The following LIFR variants were observed in gnomAD, a reference collection of about 807,000 sequenced individuals.
LIFR encodes LIF receptor subunit alpha.
LIFR carries 84 observed loss-of-function variants against 122.2 expected under a neutral mutation model. The observed-to-expected ratio is 0.69, with a 90% confidence interval of 0.58 to 0.82. LIFR has a LOEUF of 0.82. Ranked by LOEUF, LIFR falls within the 40% of genes least tolerant of loss-of-function variation. LIFR has a pLI of 0.00. For missense variants in LIFR, 1,294 were observed against 1,311.6 expected, an observed-to-expected ratio of 0.99 and a Z score of 0.21; for synonymous variants, 422 against 434.7, an observed-to-expected ratio of 0.97 and a Z score of 0.36.
intron 1 of LIFR, among the ~76,000 whole-genome samples, chr5:38,586,743 A>AGTATAATTGTATATAGTATATAGT (rs1374529069): frequency 6.6e-6 from 1 of 152,082 alleles, no homozygotes. Flanking sequence ...ACACAATTAT[A>AGTATAATTGTATATAGTATATAGT]CTAGATCCAT....
chr5:38,500,774 A>T (rs572988698), intron 11 of LIFR, among the ~76,000 whole-genome samples: 2 of 152,322 alleles, frequency 1.3e-5, no homozygotes, highest in Non-Finnish European at 2.9e-5. Flanking sequence ...CTCCAAAATG[A>T]CCAATAATCC....
intron 1 of LIFR, among the ~76,000 whole-genome samples, chr5:38,551,754 G>GA (rs1748215466): frequency 1.3e-5 from 2 of 152,148 alleles, no homozygotes. Context: ...CAAAAGTATA[G>GA]AAAAAATCCA....
At chr5:38,516,431 A>G (rs1746086102) in intron 5 of LIFR, among the ~76,000 whole-genome samples, 1 of 152,242 alleles carries the variant, frequency 6.6e-6, no homozygotes, top group Non-Finnish European at 1.5e-5. Context: ...TCTCAAAAGA[A>G]GACATTTATG....
At chr5:38,491,466 C>T (rs1233492682) in intron 14 of LIFR, among the ~76,000 whole-genome samples, 1 of 152,178 alleles carries the variant, frequency 6.6e-6, no homozygotes, top group Non-Finnish European at 1.5e-5. Flanking sequence ...TAAGGGCCAT[C>T]TGAATAAGGC....
At chr5:38,504,985 G>C (rs967844695) in intron 9 of LIFR, among the ~76,000 whole-genome samples, 1 of 152,140 alleles carries the variant, frequency 6.6e-6, no homozygotes, top group Non-Finnish European at 1.5e-5. Context: ...TGCTCAGTGT[G>C]CTGTGAGCCT....
Position 38,481,098 on chromosome 5 carries a change from TAATCTTAG to T in LIFR, c.*489_*496del. The T allele has an allele frequency of 4.1e-6, 1 of 245,708 alleles. No individual in the cohort carries two copies. The highest frequency in any genetic ancestry group is 8.0e-6 in the Non-Finnish European group (1 of 125,142). 15.2% of individuals were successfully genotyped at this position (245,708 alleles called of 1,614,324 possible). On this transcript the variant is annotated 3_prime_UTR_variant, in exon 20 of 20. Coordinates refer to ENST00000453190, the MANE Select transcript of LIFR (RefSeq NM_001127671.2). ...TGTGAATGCTGTGGATAGAGGAGAATAATCTTAGAAGTTTTAAAATCTGTGCTTGGTTT... is the reference window on the plus strand; with the variant it reads ...TGTGAATGCTGTGGATAGAGGAGAATAAGTTTTAAAATCTGTGCTTGGTTT...
chr5:38,534,278 T>C (rs1747174217), intron 1 of LIFR, among the ~76,000 whole-genome samples: 1 of 152,218 alleles, frequency 6.6e-6, no homozygotes, highest in South Asian at 2.1e-4. Context: ...CTTTTCAGGA[T>C]CATAAACTCT....
chr5:38,539,544 T>C lies in LIFR; in HGVS notation c.-19-8878A>G, dbSNP rs137884971. Among the ~76,000 whole-genome samples the C allele has an allele frequency of 8.7e-4, 132 of 152,326 alleles. 2 individuals carry two copies. The East Asian group carries it at 0.019, about 22-fold the overall frequency. Reference sequence around the variant, plus strand: ...TCGGTGAGGACTTAAAATATTTTCATACCATTCAGTTATTTGTCTACATTC... The same window carrying C: ...TCGGTGAGGACTTAAAATATTTTCACACCATTCAGTTATTTGTCTACATTC... On this transcript the variant is annotated intron_variant, in intron 1 of 19. Coordinates refer to ENST00000453190, the MANE Select transcript of LIFR (RefSeq NM_001127671.2).
At chr5:38,488,977 A>G in intron 16 of LIFR, 101 bp downstream of exon 16, 2 of 904,430 alleles carry the variant, frequency 2.2e-6, no homozygotes, top group Non-Finnish European at 3.5e-6. Context: ...ATAGTTTTGA[A>G]AACCAGTACT....
At chr5:38,589,914 A>G (rs6451392) in intron 1 of LIFR, among the ~76,000 whole-genome samples, 18,176 of 152,116 alleles carry the variant, frequency 0.12, 3,038 homozygotes, top group African/African-American at 0.37. Flanking sequence ...TTCACTGTTT[A>G]GAAACTCTCT....
At chr5:38,543,925 A>G (rs536382894) in intron 1 of LIFR, among the ~76,000 whole-genome samples, 16 of 152,044 alleles carry the variant, frequency 1.1e-4, no homozygotes, top group Non-Finnish European at 1.8e-4. Flanking sequence ...AAACTGATTG[A>G]TTCATAACCC....
At chr5:38,589,155 G>A (rs548077841) in intron 1 of LIFR, among the ~76,000 whole-genome samples, 3 of 151,596 alleles carry the variant, frequency 2.0e-5, no homozygotes, top group Non-Finnish European at 2.9e-5. Flanking sequence ...CTGCCACCAC[G>A]CCCAGCTAAT....
intron 1 of LIFR, among the ~76,000 whole-genome samples, chr5:38,582,995 A>G (rs530966147): frequency 3.9e-5 from 6 of 152,158 alleles, no homozygotes; most frequent in Non-Finnish European, 8.8e-5. Context: ...ATCGCATTGC[A>G]TTGTAATTAT....
At chr5:38,545,871 GAAAAAA>G (rs371497950) in intron 1 of LIFR, among the ~76,000 whole-genome samples, 1 of 87,728 alleles carries the variant, frequency 1.1e-5, no homozygotes. Context: ...CAAAAAAAAA[GAAAAAA>G]AAAAAAAAAA....
intron 4 of LIFR, 93 bp from the exon 5 acceptor site, chr5:38,523,675 T>C: frequency 9.9e-7 from 1 of 1,006,506 alleles, no homozygotes; most frequent in Non-Finnish European, 1.5e-6. Context: ...ATAAACTCTA[T>C]TCCTTCTTGA....
upstream of LIFR, among the ~76,000 whole-genome samples, chr5:38,560,830 T>A (rs1748810095): frequency 6.6e-6 from 1 of 152,066 alleles, no homozygotes; most frequent in African/African-American, 2.4e-5. Flanking sequence ...ACTCCTGACC[T>A]CATAATCCAC....
chr5:38,478,894 C>G lies in LIFR; in HGVS notation c.*2701G>C, dbSNP rs1359731369. 3 of 228,126 alleles carry G rather than the reference C, an allele frequency of 1.3e-5. No individual in the cohort carries two copies. The highest frequency in any genetic ancestry group is 2.6e-5 in the Non-Finnish European group (3 of 114,830). The allele number at this position is 228,126 out of a possible 1,614,324, so 14.1% of individuals were successfully genotyped here. The stretch of plus-strand genomic sequence containing the variant: ...CCCAGTTAGTAAGGGCTGGAGAGAA[C>G]ACATCTAGCCTCTGCTTCTAACTAG... On this transcript the variant is annotated 3_prime_UTR_variant, in exon 20 of 20. Transcript: ENST00000453190.
At position 38,476,874 on chromosome 5, in the gene LIFR, A is replaced by G. The variant is rs1428692602; in HGVS notation, c.*4721T>C. ...TGTCTTGCATAGGTAAATTCTGTTT[A>G]TAACATGGACTCTGATAATCCAAAT... is the stretch of plus-strand genomic sequence containing the variant. On this transcript the variant is annotated 3_prime_UTR_variant, in exon 20 of 20. Transcript: ENST00000453190. The G allele has an allele frequency of 4.7e-6, 1 of 213,418 alleles. No homozygotes were observed. The highest frequency in any genetic ancestry group is 5.8e-5 in the Admixed American group (1 of 17,114). 13.2% of individuals were successfully genotyped at this position (213,418 alleles called of 1,614,324 possible).
chr5:38,598,840 G>C (rs1167999332), upstream of LIFR, among the ~76,000 whole-genome samples: 1 of 152,174 alleles, frequency 6.6e-6, no homozygotes, highest in African/African-American at 2.4e-5. Flanking sequence ...CTCTTAGGCA[G>C]GCTTCTATGC....
Sources: allele counts gnomAD v4.1 joint callset (sites outside exome capture counted in the v4.1 genomes callset), GRCh38; gene constraint gnomAD v4.1.1; transcripts MANE v1.5; gene names NCBI Gene and HGNC (gene_info 2026-07-23, HGNC 2026-07-21).